The following CACNG5 variants were observed in gnomAD, a reference collection of about 807,000 sequenced individuals.
CACNG5 encodes calcium voltage-gated channel auxiliary subunit gamma 5.
CACNG5 carries 18 observed loss-of-function variants against 24.8 expected under a neutral mutation model. The observed-to-expected ratio is 0.73, with a 90% CI of 0.50 to 1.08. The LOEUF (loss-of-function observed/expected upper bound fraction) is 1.08. Among genes scored for constraint, CACNG5 ranks in the 50% least tolerant of loss-of-function variants. The pLI, the probability that CACNG5 is intolerant of heterozygous loss-of-function variation, is 0.00. For missense variants in CACNG5, 349 were observed against 367.9 expected, an observed-to-expected ratio of 0.95 and a Z score of 0.42; for synonymous variants, 157 against 149.1, an observed-to-expected ratio of 1.05 and a Z score of -0.39.
chr17:66,891,444 T>C lies in CACNG5; in HGVS notation c.*6204T>C, dbSNP rs370672984. ...AGTTGGAGTCAGACAGTGGCTGTCA[T>C]TTCAAAGGCTTCCCTGCTCATTGGT... On this transcript the variant is annotated 3_prime_UTR_variant, in exon 6 of 6. Coordinates refer to ENST00000533854, the MANE Select transcript of CACNG5 (RefSeq NM_145811.3). Among the ~76,000 whole-genome samples the C allele has an allele frequency of 6.6e-5, 10 of 152,308 alleles. No homozygotes were observed. In the East Asian group the frequency reaches 7.7e-4, roughly 12 times the overall value.
chr17:66,890,067 G>A lies in CACNG5; in HGVS notation c.*4827G>A, dbSNP rs1010417312. ...TCTTGACTTTCTCCCCACACTCAGT[G>A]AACCACTTTCATATGCTCGTGTGAC... On this transcript the variant is annotated 3_prime_UTR_variant, in exon 6 of 6. Transcript: ENST00000533854. 6.6e-6 allele frequency among the ~76,000 whole-genome samples: 1 copy of A among 152,216 alleles called. No homozygotes were observed. The highest frequency in any genetic ancestry group is 1.5e-5 in the Non-Finnish European group (1 of 68,044).
At chr17:66,859,547 T>C (rs1000140606) in intron 1 of CACNG5, among the ~76,000 whole-genome samples, 6 of 152,094 alleles carry the variant, frequency 3.9e-5, no homozygotes, top group African/African-American at 1.4e-4. Flanking sequence ...GAATCCTCCT[T>C]GGGCAGCACC....
At chr17:66,879,405 C>CAGAG (rs1977127859) in intron 3 of CACNG5, among the ~76,000 whole-genome samples, 1 of 151,746 alleles carries the variant, frequency 6.6e-6, no homozygotes, top group Admixed American at 6.6e-5. Flanking sequence ...CTGGAGTTAA[C>CAGAG]AGAGACTCCA....
rs1977301296 is a variant in CACNG5, at chr17:66,888,814, G to C, written c.*3574G>C. Reference sequence around the variant, plus strand: ...GGGGCTGACATCTCTCTGGTTGGAGGGAAGGTTATCTCGGGGCTGGCATGT... The same window carrying C: ...GGGGCTGACATCTCTCTGGTTGGAGCGAAGGTTATCTCGGGGCTGGCATGT... On this transcript the variant is annotated 3_prime_UTR_variant, in exon 6 of 6. Coordinates refer to ENST00000533854, the MANE Select transcript of CACNG5 (RefSeq NM_145811.3). Among the ~76,000 whole-genome samples the C allele has an allele frequency of 6.6e-6, 1 of 152,088 alleles. No individual in the cohort carries two copies. Among genetic ancestry groups the C allele is most frequent in the African/African-American group, 2.4e-5 (1 of 41,422 alleles).
chr17:66,878,787 G>A (rs138856456), intron 2 of CACNG5, among the ~76,000 whole-genome samples, 185 bp from the exon 3 acceptor site: 2 of 152,162 alleles, frequency 1.3e-5, no homozygotes, highest in African/African-American at 2.4e-5. Flanking sequence ...ATGTCAGGAC[G>A]TGCCTCCACC....
rs929905712 is a variant in CACNG5, at chr17:66,885,135, C to A, written c.723C>A (p.Arg241=). 1.2e-5 allele frequency: 19 copies of A among 1,613,918 alleles called. No individual in the cohort carries two copies. The African/African-American group carries it at 1.7e-4, about 15-fold the overall frequency. The change falls in exon 6 of 6, where the codon CGC becomes CGA. Residue 241 remains arginine, a synonymous_variant. Coordinates refer to ENST00000533854, the MANE Select transcript of CACNG5 (RefSeq NM_145811.3). ...ACCCAGACGCCTGGGTCAGGGGCCG[C>A]AGCCCCTCCGACATCTCCAGCGAGG... ...FLHPDAWVRG[R]SPSDISSEAS... is the part of the protein sequence containing the mutation.
chr17:66,855,543 A>G (rs950757683), intron 1 of CACNG5, among the ~76,000 whole-genome samples: 2 of 152,002 alleles, frequency 1.3e-5, no homozygotes, highest in Non-Finnish European at 2.9e-5. Context: ...TTTTTTTTTG[A>G]GACAGAGTCT....
intron 1 of CACNG5, among the ~76,000 whole-genome samples, chr17:66,863,959 T>G (rs756356310): frequency 6.6e-6 from 1 of 152,214 alleles, no homozygotes; most frequent in Non-Finnish European, 1.5e-5. Flanking sequence ...CATTCATCAT[T>G]CCTGTGTCTG....
intron 1 of CACNG5, among the ~76,000 whole-genome samples, chr17:66,848,372 C>A (rs1351223075): frequency 6.6e-6 from 1 of 152,190 alleles, no homozygotes; most frequent in African/African-American, 2.4e-5. Context: ...GGACAGCACA[C>A]CGTTGAATGT....
At chr17:66,845,243 G>C (rs1976621195) in intron 1 of CACNG5, among the ~76,000 whole-genome samples, 1 of 152,106 alleles carries the variant, frequency 6.6e-6, no homozygotes, top group Admixed American at 6.5e-5. Context: ...GTTGAACAAT[G>C]AGAACACATG....
At chr17:66,857,932 A>C (rs1301936736) in intron 1 of CACNG5, among the ~76,000 whole-genome samples, 1 of 152,192 alleles carries the variant, frequency 6.6e-6, no homozygotes, top group Non-Finnish European at 1.5e-5. Flanking sequence ...ATCCCCCCAG[A>C]TGACACTCAT....
At chr17:66,864,436 G>T (rs1976902226) in intron 1 of CACNG5, among the ~76,000 whole-genome samples, 1 of 152,184 alleles carries the variant, frequency 6.6e-6, no homozygotes, top group African/African-American at 2.4e-5. Flanking sequence ...TGCAGAGGTT[G>T]TACAAAATAT....
chr17:66,866,415 C>T (rs1366161916), intron 1 of CACNG5, among the ~76,000 whole-genome samples: 1 of 152,118 alleles, frequency 6.6e-6, no homozygotes, highest in African/African-American at 2.4e-5. Context: ...GATTAGAGCA[C>T]TCCACCACAC....
intron 1 of CACNG5, 21 bp downstream of exon 1, chr17:66,835,271 G>A (rs1217030063): frequency 6.6e-6 from 1 of 152,290 alleles, no homozygotes; most frequent in Admixed American, 6.5e-5. Flanking sequence ...GGAAGACCGG[G>A]AGAGACCACC....
intron 4 of CACNG5, among the ~76,000 whole-genome samples, chr17:66,884,261 A>C (rs1424881145): frequency 1.3e-5 from 2 of 152,172 alleles, no homozygotes; most frequent in Middle Eastern, 3.2e-3. Context: ...GGTGAGAACC[A>C]CCGGGCTTAG....
At chr17:66,870,915 G>T (rs1295004126) in intron 1 of CACNG5, among the ~76,000 whole-genome samples, 1 of 151,882 alleles carries the variant, frequency 6.6e-6, no homozygotes, top group African/African-American at 2.4e-5. Flanking sequence ...GGGAGGCAGA[G>T]TTTGCAGTGA....
At chr17:66,842,165 TAA>T (rs1976578619) in intron 1 of CACNG5, among the ~76,000 whole-genome samples, 1 of 152,030 alleles carries the variant, frequency 6.6e-6, no homozygotes, top group South Asian at 2.1e-4. Flanking sequence ...CTGTGAAATA[TAA>T]AAGTGATCCC....
chr17:66,870,384 G>T (rs1388679764), intron 1 of CACNG5, among the ~76,000 whole-genome samples: 1 of 152,202 alleles, frequency 6.6e-6, no homozygotes, highest in Non-Finnish European at 1.5e-5. Flanking sequence ...TAAACAAGTG[G>T]TTCTCAACCA....
intron 1 of CACNG5, among the ~76,000 whole-genome samples, chr17:66,858,540 G>A (rs950946990): frequency 1.3e-5 from 2 of 152,152 alleles, no homozygotes; most frequent in Non-Finnish European, 2.9e-5. Context: ...ATCTCCAGCT[G>A]AGCGGCAAGC....
Sources: allele counts gnomAD v4.1 joint callset (sites outside exome capture counted in the v4.1 genomes callset), GRCh38; gene constraint gnomAD v4.1.1; transcripts MANE v1.5; gene names NCBI Gene and HGNC (gene_info 2026-07-23, HGNC 2026-07-21).